Variants in IGHMBP2 observed in about 807,000 individuals in gnomAD.
IGHMBP2 encodes the protein immunoglobulin mu DNA binding protein 2.
IGHMBP2 carries 81 observed loss-of-function variants against 96.0 expected under a neutral mutation model. That is an observed-to-expected ratio of 0.84 (90% CI 0.71 to 1.01). The LOEUF (loss-of-function observed/expected upper bound fraction) is 1.01, where lower values mean the gene tolerates loss of function less well. IGHMBP2 is among the 50% of genes least tolerant of loss of function. The probability of loss-of-function intolerance (pLI) is 0.00; values close to 1 mark genes in which losing one functional copy is unlikely to be tolerated. For synonymous variants in IGHMBP2, 557 were observed against 548.9 expected (o/e 1.01, Z -0.21); for missense variants, 1,227 against 1,306.3 (o/e 0.94, Z 0.94).
intron 7 of IGHMBP2, among the ~76,000 whole-genome samples, chr11:68,920,517 G>A (rs1316631933): frequency 6.6e-6 from 1 of 152,180 alleles, no homozygotes; most frequent in Non-Finnish European, 1.5e-5. Flanking sequence ...GTCTCACTGT[G>A]TTACCCCTAA....
At chr11:68,916,975 CTTTTT>C (rs11418103) in intron 6 of IGHMBP2, among the ~76,000 whole-genome samples, 1 of 103,348 alleles carries the variant, frequency 9.7e-6, no homozygotes, top group Non-Finnish European at 1.8e-5. Context: ...AAGGTTACAT[CTTTTT>C]TTTTTTTTTT....
chr11:68,916,623 C>T (rs192724508), intron 6 of IGHMBP2, among the ~76,000 whole-genome samples: 188 of 151,572 alleles, frequency 1.2e-3, no homozygotes, highest in Non-Finnish European at 2.1e-3. Flanking sequence ...CCTGCACCCT[C>T]GGTGTCCTAA....
intron 1 of IGHMBP2, among the ~76,000 whole-genome samples, chr11:68,905,372 C>T (rs1212493640): frequency 6.6e-6 from 1 of 152,238 alleles, no homozygotes; most frequent in Non-Finnish European, 1.5e-5. Context: ...GCCTTACTTA[C>T]TTCATCTGTA....
At chr11:68,934,583 C>T (rs765649623) in intron 11 of IGHMBP2, 25 bp downstream of exon 11, 24 of 1,533,738 alleles carry the variant, frequency 1.6e-5, no homozygotes, top group Non-Finnish European at 2.2e-5. Flanking sequence ...TTTTGTCCCT[C>T]TACAGAGCAG....
intron 7 of IGHMBP2, among the ~76,000 whole-genome samples, chr11:68,926,869 G>A (rs748646528): frequency 7.9e-5 from 12 of 151,878 alleles, no homozygotes; most frequent in Non-Finnish European, 1.0e-4. Flanking sequence ...AGGTTCAAGC[G>A]ATTCTCCTGC....
intron 7 of IGHMBP2, among the ~76,000 whole-genome samples, chr11:68,927,569 T>C (rs1859122173): frequency 6.6e-6 from 1 of 152,248 alleles, no homozygotes; most frequent in Non-Finnish European, 1.5e-5. Flanking sequence ...CAGGAATATG[T>C]TGGAGCTTTT....
intron 7 of IGHMBP2, among the ~76,000 whole-genome samples, chr11:68,919,038 C>A (rs1858778009): frequency 6.6e-6 from 1 of 152,230 alleles, no homozygotes; most frequent in Admixed American, 6.5e-5. Context: ...TTGTGGCATC[C>A]CACAAATTCT....
rs1858059011 is a variant in IGHMBP2, at chr11:68,903,917, G to A, written c.-36G>A. The A allele has an allele frequency of 6.2e-7, 1 of 1,601,174 alleles. No homozygotes were observed. Among genetic ancestry groups the A allele is most frequent in the Middle Eastern group, 1.7e-4 (1 of 6,028 alleles). ...TAACACCGGCCCGGCGCAGAAGCGG[G>A]ACGTCGGCTTCTAGGGGCCCAGGCC... On this transcript the variant is annotated 5_prime_UTR_variant, in exon 1 of 15. Coordinates refer to ENST00000255078, the MANE Select transcript of IGHMBP2 (RefSeq NM_002180.3).
Position 68,917,423 on chromosome 11 carries a change from G to A in IGHMBP2, c.913-313G>A, listed in dbSNP as rs3829243. On this transcript the variant is annotated intron_variant, in intron 6 of 14. Transcript: ENST00000255078. ...TCCTACAACCCAAATCCTGGGGCGGGCAAGCGCTTTTTCTTCCCCAAGATC... is the reference window on the plus strand; with the variant it reads ...TCCTACAACCCAAATCCTGGGGCGGACAAGCGCTTTTTCTTCCCCAAGATC... Among the ~76,000 whole-genome samples, 30,621 of 152,128 alleles carry A rather than the reference G, an allele frequency of 0.2. 3,348 individuals are homozygous for A. The highest frequency in any genetic ancestry group is 0.25 in the Non-Finnish European group (16,722 of 67,992).
Position 68,930,553 on chromosome 11 carries a change from CTGGTGGGAGACACA to C in IGHMBP2, c.1235+1200_1235+1213del, listed in dbSNP as rs1487053959. ...AGGAAAGGTGCTCTGAAAGATCGTCCTGGTGGGAGACACATGGGGATCTAGAGTGGAAATGTTAC... is the reference window on the plus strand; with the variant it reads ...AGGAAAGGTGCTCTGAAAGATCGTCCTGGGGATCTAGAGTGGAAATGTTAC... On this transcript the variant is annotated intron_variant, in intron 8 of 14. Coordinates refer to ENST00000255078, the MANE Select transcript of IGHMBP2 (RefSeq NM_002180.3). 2.5e-6 allele frequency: 3 copies of C among 1,202,590 alleles called. No homozygotes were observed. The East Asian group carries it at 1.8e-4, about 71-fold the overall frequency. 74.5% of individuals were successfully genotyped at this position (1,202,590 alleles called of 1,614,324 possible).
rs756408576 is a variant in IGHMBP2 at position 68,914,920 on chromosome 11, G to C, written c.809G>C (p.Arg270Pro). 1 of 1,614,140 alleles carries C rather than the reference G, an allele frequency of 6.2e-7. No individual in the cohort carries two copies. Among genetic ancestry groups the C allele is most frequent in the Non-Finnish European group, 8.5e-7 (1 of 1,180,014 alleles). ...QRILRLGHPA[R>P]LLESIQQHSL... is the part of the protein sequence containing the mutation. ...ATTCTGCGCCTGGGACACCCTGCCC[G>C]CCTCCTGGAGTCCATTCAGCAGCAC... The change falls in exon 6 of 15, where the codon CGC becomes CCC. Residue 270 changes from arginine to proline, a missense_variant. Transcript: ENST00000255078.
At chr11:68,913,824 C>A (rs181067498) in intron 5 of IGHMBP2, among the ~76,000 whole-genome samples, 2 of 152,196 alleles carry the variant, frequency 1.3e-5, no homozygotes, top group East Asian at 3.9e-4. Context: ...GGAGGCTGAG[C>A]CAGGAAGATA....
At chr11:68,934,092 AGACCGCTCCTGG>A (rs1859427996) in intron 10 of IGHMBP2, 179 bp downstream of exon 10, 1 of 658,548 alleles carries the variant, frequency 1.5e-6, no homozygotes, top group African/African-American at 1.8e-5. Context: ...CAGGGTGAGC[AGACCGCTCCTGG>A]GTGAGATGGG....
intron 4 of IGHMBP2, among the ~76,000 whole-genome samples, chr11:68,910,881 C>CAA (rs10599717): frequency 1.7e-5 from 2 of 120,824 alleles, no homozygotes; most frequent in African/African-American, 3.2e-5. Flanking sequence ...GACTCCATCT[C>CAA]AAAAAAAAAA....
At position 68,917,855 on chromosome 11, in the gene IGHMBP2, G is replaced by A. The variant is rs779452908; in HGVS notation, c.1032G>A (p.Ser344=). ...EEAAMLESLT[S]ANVVLATNTG... ...CAGCTATGCTCGAGAGCCTCACTTCGGCAAACGTGGTCCTTGCAACAAACA... is the reference window on the plus strand; with the variant it reads ...CAGCTATGCTCGAGAGCCTCACTTCAGCAAACGTGGTCCTTGCAACAAACA... Residue 344 remains serine (S), a synonymous_variant, in exon 7 of 15, where the codon TCG becomes TCA. Coordinates refer to ENST00000255078, the MANE Select transcript of IGHMBP2 (RefSeq NM_002180.3). 4.2e-5 allele frequency: 68 copies of A among 1,613,946 alleles called. No homozygotes were observed. Among genetic ancestry groups the A allele is most frequent in the Middle Eastern group, 1.7e-4 (1 of 6,050 alleles).
rs765991240 is a variant in IGHMBP2, at chr11:68,935,407, A to C, written c.1741A>C (p.Arg581=). The C allele has an allele frequency of 6.2e-7, 1 of 1,614,104 alleles. No homozygotes were observed. Among genetic ancestry groups the C allele is most frequent in the South Asian group, 1.1e-5 (1 of 91,088 alleles). ...EKEAVILSFV[R]SNRKGEVGFL... ...GGAGGCCGTGATACTGTCCTTCGTC[A>C]GATCCAACAGGAAAGGTACGGAGCC... Residue 581 remains arginine (R), a synonymous_variant, in exon 12 of 15, where the codon AGA becomes CGA. Coordinates refer to ENST00000255078, the MANE Select transcript of IGHMBP2 (RefSeq NM_002180.3).
chr11:68,923,410 C>G (rs1858948629), intron 7 of IGHMBP2, among the ~76,000 whole-genome samples: 1 of 152,026 alleles, frequency 6.6e-6, no homozygotes, highest in Admixed American at 6.6e-5. Flanking sequence ...ACCATGTTGG[C>G]CAGGCTGGTC....
chr11:68,907,272 A>T (rs954189278), intron 2 of IGHMBP2, among the ~76,000 whole-genome samples: 3 of 152,128 alleles, frequency 2.0e-5, no homozygotes, highest in Non-Finnish European at 4.4e-5. Context: ...AACAGACAAA[A>T]ACAAAAGAAA....
At chr11:68,935,157 C>G in intron 11 of IGHMBP2, 142 bp from the exon 12 acceptor site, 2 of 1,097,492 alleles carry the variant, frequency 1.8e-6, no homozygotes, top group Non-Finnish European at 2.7e-6. Flanking sequence ...AACGGGAAGC[C>G]TTTCCCCATG....
Sources: allele counts gnomAD v4.1 joint callset (sites outside exome capture counted in the v4.1 genomes callset), GRCh38; gene constraint gnomAD v4.1.1; transcripts MANE v1.5; gene names NCBI Gene and HGNC (gene_info 2026-07-23, HGNC 2026-07-21).